TNR: variants seen among roughly 807,000 people sequenced by gnomAD.
TNR encodes tenascin-R.
TNR carries 45 observed loss-of-function variants against 150.4 expected under a neutral mutation model. That is an observed-to-expected ratio of 0.30 (90% CI 0.24 to 0.38). The LOEUF (loss-of-function observed/expected upper bound fraction) is 0.38. TNR is among the 10% of genes least tolerant of loss of function. TNR has a pLI of 1.00. For synonymous variants in TNR, 687 were observed against 678.4 expected (o/e 1.01, Z -0.20); for missense variants, 1,544 against 1,759.1 (o/e 0.88, Z 2.19).
chr1:175,436,905 G>C (rs1300531016), intron 2 of TNR, among the ~76,000 whole-genome samples: 1 of 152,158 alleles, frequency 6.6e-6, no homozygotes. Flanking sequence ...CCTACAAAGA[G>C]ACTTAGACTC....
In TNR at chr1:175,657,883, A is replaced by ATATATGTG. The variant is rs1464419575; in HGVS notation, c.-165+85342_-165+85343insCACATATA. On this transcript the variant is annotated intron_variant, in intron 1 of 22. Coordinates refer to ENST00000367674, the MANE Select transcript of TNR (RefSeq NM_003285.3). ...TATATATATATATATATATATATAT[A>ATATATGTG]TGTAACAAACCTGCACGTTGTGCAC... Among the ~76,000 whole-genome samples, 212 of 101,078 alleles carry ATATATGTG rather than the reference A, an allele frequency of 2.1e-3. 13 individuals carry two copies. The highest frequency in any genetic ancestry group is 3.2e-3 in the Non-Finnish European group (158 of 48,720). 66.3% of individuals were successfully genotyped at this position (101,078 alleles called of 152,430 possible). A position where few individuals can be genotyped will look rare whatever the true frequency, so the allele number is the denominator to read the frequency against.
At chr1:175,504,538 C>T (rs1217607061) in intron 2 of TNR, among the ~76,000 whole-genome samples, 1 of 152,174 alleles carries the variant, frequency 6.6e-6, no homozygotes, top group African/African-American at 2.4e-5. Context: ...CATTTCTCCC[C>T]CTCACTCTGG....
chr1:175,329,942 C>T, intron 21 of TNR, 132 bp downstream of exon 21: 1 of 1,075,334 alleles, frequency 9.3e-7, no homozygotes, highest in South Asian at 2.7e-5. Context: ...CATGGCCCTT[C>T]TTCTCCCTGG....
chr1:175,351,056 G>C (rs755863378), intron 18 of TNR, among the ~76,000 whole-genome samples: 1 of 152,206 alleles, frequency 6.6e-6, no homozygotes, highest in East Asian at 1.9e-4. Context: ...CATTAGCCCT[G>C]GCTTGCGATC....
At chr1:175,519,294 G>C (rs947289018) in intron 2 of TNR, among the ~76,000 whole-genome samples, 6 of 152,184 alleles carry the variant, frequency 3.9e-5, no homozygotes, top group African/African-American at 1.4e-4. Flanking sequence ...CTTCCAGTGT[G>C]TGTGTTCAGG....
At chr1:175,707,833 A>G (rs1353180520) in intron 1 of TNR, among the ~76,000 whole-genome samples, 3 of 152,310 alleles carry the variant, frequency 2.0e-5, no homozygotes, top group Non-Finnish European at 4.4e-5. Context: ...TATTTACTAA[A>G]TTAAGTCGTT....
chr1:175,689,344 T>G lies in TNR; in HGVS notation c.-165+53882A>C, dbSNP rs76290810. On this transcript the variant is annotated intron_variant, in intron 1 of 22. Transcript: ENST00000367674. ...CTTTCCACAGGGATACCAGGTAGCA[T>G]GACCGAATACCTTAATCTACCCCAG... is the stretch of plus-strand genomic sequence containing the variant. Among the ~76,000 whole-genome samples the G allele has an allele frequency of 7.9e-5, 12 of 152,158 alleles. No individual in the cohort carries two copies. The East Asian group carries it at 2.3e-3, about 29-fold the overall frequency.
At chr1:175,689,969 A>T (rs992292583) in intron 1 of TNR, among the ~76,000 whole-genome samples, 5 of 152,216 alleles carry the variant, frequency 3.3e-5, no homozygotes, top group African/African-American at 1.2e-4. Context: ...TCATTGTTTC[A>T]TGTAATTGTC....
intron 1 of TNR, among the ~76,000 whole-genome samples, chr1:175,616,154 T>C (rs752573851): frequency 6.6e-6 from 1 of 152,180 alleles, no homozygotes; most frequent in Non-Finnish European, 1.5e-5. Context: ...CATGCGACCC[T>C]AAAGGGCATT....
intron 1 of TNR, among the ~76,000 whole-genome samples, chr1:175,675,685 T>G (rs1017273846): frequency 6.6e-6 from 1 of 152,178 alleles, no homozygotes; most frequent in Non-Finnish European, 1.5e-5. Context: ...GAGAAAAGTT[T>G]ATCTCTTCCT....
At chr1:175,379,251 T>A (rs955233582) in intron 9 of TNR, among the ~76,000 whole-genome samples, 2 of 150,518 alleles carry the variant, frequency 1.3e-5, no homozygotes, top group African/African-American at 4.9e-5. Context: ...GTGAGGGGGT[T>A]ATTGCAATGG....
intron 1 of TNR, chr1:175,556,705 C>T (rs1473968109): frequency 1.3e-5 from 2 of 152,624 alleles, no homozygotes; most frequent in Non-Finnish European, 2.9e-5. Flanking sequence ...GTGTGTCTGA[C>T]TCCTCTGTTG....
At chr1:175,464,220 A>G (rs1298824881) in intron 2 of TNR, among the ~76,000 whole-genome samples, 1 of 152,242 alleles carries the variant, frequency 6.6e-6, no homozygotes, top group Non-Finnish European at 1.5e-5. Context: ...CATTAAACTC[A>G]GCACTTCTGA....
chr1:175,606,772 G>T (rs770680680), intron 1 of TNR, among the ~76,000 whole-genome samples: 1 of 152,158 alleles, frequency 6.6e-6, no homozygotes, highest in South Asian at 2.1e-4. Context: ...GCAGCTTGGG[G>T]TTTGCATTCC....
chr1:175,693,662 T>C (rs980029332), intron 1 of TNR, among the ~76,000 whole-genome samples: 16 of 152,180 alleles, frequency 1.1e-4, no homozygotes, highest in African/African-American at 3.9e-4. Context: ...TGTTCTAAAA[T>C]TTGCCACATA....
intron 2 of TNR, among the ~76,000 whole-genome samples, chr1:175,468,352 A>C (rs1657124661): frequency 6.6e-6 from 1 of 152,182 alleles, no homozygotes; most frequent in African/African-American, 2.4e-5. Flanking sequence ...TGTGCAACTT[A>C]ATTGAGGTGA....
At chr1:175,452,514 G>A (rs951601777) in intron 2 of TNR, among the ~76,000 whole-genome samples, 1 of 152,260 alleles carries the variant, frequency 6.6e-6, no homozygotes, top group Non-Finnish European at 1.5e-5. Context: ...GCCACACTCA[G>A]GCCTGGGGAA....
chr1:175,672,605 C>G (rs1333979359), intron 1 of TNR, among the ~76,000 whole-genome samples: 1 of 152,204 alleles, frequency 6.6e-6, no homozygotes, highest in Non-Finnish European at 1.5e-5. Context: ...CACATACAGG[C>G]CACAACCTGT....
chr1:175,324,625 C>T (rs1014781224), intron 21 of TNR, 106 bp from the exon 22 acceptor site: 2 of 1,324,820 alleles, frequency 1.5e-6, no homozygotes, highest in Non-Finnish European at 1.1e-6. Flanking sequence ...ACTTATGGAA[C>T]CTTTTCATTT....
Sources: allele counts gnomAD v4.1 joint callset (sites outside exome capture counted in the v4.1 genomes callset), GRCh38; gene constraint gnomAD v4.1.1; transcripts MANE v1.5; gene names NCBI Gene and HGNC (gene_info 2026-07-23, HGNC 2026-07-21).